MARK1: variants seen among roughly 807,000 people sequenced by gnomAD.
MARK1 encodes serine/threonine-protein kinase MARK1.
A neutral mutation model predicts 96.3 loss-of-function variants in MARK1; 40 were observed. The observed-to-expected ratio is 0.42, with a 90% CI of 0.32 to 0.54. The LOEUF is 0.54. Among genes scored for constraint, MARK1 ranks in the 20% least tolerant of loss-of-function variants. The probability of loss-of-function intolerance (pLI) is 0.16; values close to 1 mark genes in which losing one functional copy is unlikely to be tolerated. For synonymous variants in MARK1, 317 were observed against 341.2 expected (o/e 0.93, Z 0.78); for missense variants, 719 against 984.6 (o/e 0.73, Z 3.61).
chr1:220,584,552 C>T (rs1664465014), intron 3 of MARK1, among the ~76,000 whole-genome samples: 1 of 152,152 alleles, frequency 6.6e-6, no homozygotes, highest in Non-Finnish European at 1.5e-5. Context: ...AAATGGTGGC[C>T]TAAGCCATTA....
rs182815338 is a variant in MARK1 at position 220,646,632 on chromosome 1, C to T, written c.1471-3988C>T. Among the ~76,000 whole-genome samples, 535 of 152,268 alleles carry T rather than the reference C, an allele frequency of 3.5e-3. 6 individuals carry two copies. The highest frequency in any genetic ancestry group is 0.012 in the African/African-American group (506 of 41,542). On this transcript the variant is annotated intron_variant, in intron 13 of 17. Transcript: ENST00000366917. Reference sequence around the variant, plus strand: ...TAAGCAAAAACAAAGCCAGAGGCATCACGCTATCTGACATAAAACTGTACT... The same window carrying T: ...TAAGCAAAAACAAAGCCAGAGGCATTACGCTATCTGACATAAAACTGTACT...
intron 9 of MARK1, among the ~76,000 whole-genome samples, chr1:220,623,340 T>C (rs1667144913): frequency 6.6e-6 from 1 of 152,208 alleles, no homozygotes; most frequent in South Asian, 2.1e-4. Flanking sequence ...GTAGTCCATA[T>C]CTCTCTTCCC....
At chr1:220,603,388 C>CA (rs1303695438) in intron 5 of MARK1, among the ~76,000 whole-genome samples, 11 of 152,030 alleles carry the variant, frequency 7.2e-5, no homozygotes, top group African/African-American at 2.6e-4. Context: ...TTTATCTATC[C>CA]ACTTCGTGTT....
intron 1 of MARK1, among the ~76,000 whole-genome samples, chr1:220,562,961 A>T (rs1380682315): frequency 6.6e-6 from 1 of 152,238 alleles, no homozygotes; most frequent in East Asian, 1.9e-4. Context: ...ACAGATGTAG[A>T]GGGCCAACTG....
rs111550307 is a variant in MARK1 at position 220,658,506 on chromosome 1, T to G, written c.2033+672T>G. 2.1e-4 allele frequency among the ~76,000 whole-genome samples: 32 copies of G among 152,304 alleles called. 1 individual carries two copies. The highest frequency in any genetic ancestry group is 7.7e-4 in the African/African-American group (32 of 41,560). ...TTATGCTGCTGTTCTAGGGACCACA[T>G]TATGGACATGTTAGTACTTGTGTTC... is the stretch of plus-strand genomic sequence containing the variant. On this transcript the variant is annotated intron_variant, in intron 17 of 17. Transcript: ENST00000366917.
At chr1:220,628,852 C>T (rs6657303) in intron 9 of MARK1, among the ~76,000 whole-genome samples, 9,477 of 150,990 alleles carry the variant, frequency 0.063, 921 homozygotes, top group African/African-American at 0.22. Context: ...TTTGGGAAGC[C>T]GAGGCAAGCA....
In MARK1 at chr1:220,528,614, C is replaced by G; in HGVS notation, c.-209C>G. ...TTACTGTCCGCATACCCCGGCGGCGCCGCCGCGGGAAGCGGCTCCCCCTCC... is the reference window on the plus strand; with the variant it reads ...TTACTGTCCGCATACCCCGGCGGCGGCGCCGCGGGAAGCGGCTCCCCCTCC... On this transcript the variant is annotated 5_prime_UTR_variant, in exon 1 of 18. Transcript: ENST00000366917. 2.0e-6 allele frequency: 1 copy of G among 494,378 alleles called. No homozygotes were observed. The highest frequency in any genetic ancestry group is 3.6e-6 in the Non-Finnish European group (1 of 281,258). The allele number at this position is 494,378 out of a possible 1,614,324, so 30.6% of individuals were successfully genotyped here.
At chr1:220,570,997 T>C (rs1451511108) in intron 1 of MARK1, among the ~76,000 whole-genome samples, 1 of 152,210 alleles carries the variant, frequency 6.6e-6, no homozygotes, top group East Asian at 1.9e-4. Context: ...TTTATGTTTT[T>C]GTAAATAGGT....
intron 9 of MARK1, chr1:220,626,356 A>AC (rs1667333440): frequency 1.8e-6 from 1 of 550,224 alleles, no homozygotes. Context: ...CTTTTCAGGA[A>AC]CTAGGGATCT....
Position 220,551,372 on chromosome 1 carries a change from A to G in MARK1, c.51+22499A>G, listed in dbSNP as rs77025975. On this transcript the variant is annotated intron_variant, in intron 1 of 17. Coordinates refer to ENST00000366917, the MANE Select transcript of MARK1 (RefSeq NM_018650.5). ...TTGTGGCTGATGTTAGCCTAGGACC[A>G]TAGAGAGAAGGGAATTCTGGGAAAC... 8.6e-3 allele frequency among the ~76,000 whole-genome samples: 1,308 copies of G among 152,308 alleles called. 16 individuals carry two copies. Among genetic ancestry groups the G allele is most frequent in the African/African-American group, 0.029 (1,197 of 41,562 alleles).
intron 1 of MARK1, among the ~76,000 whole-genome samples, chr1:220,538,746 T>C (rs1660903650): frequency 6.6e-6 from 1 of 152,218 alleles, no homozygotes; most frequent in African/African-American, 2.4e-5. Flanking sequence ...TTTTATTTCC[T>C]TGAGCAGTGG....
Position 220,651,767 on chromosome 1 carries a change from A to C in MARK1, c.1572-219A>C, listed in dbSNP as rs542777655. The stretch of plus-strand genomic sequence containing the variant: ...ACATAGTGTGTGTGAGATTTTTTTC[A>C]TAGATGATAGTGATAAATTCACCCT... On this transcript the variant is annotated intron_variant, in intron 14 of 17. Transcript: ENST00000366917. Among the ~76,000 whole-genome samples the C allele has an allele frequency of 5.9e-5, 9 of 152,290 alleles. No individual in the cohort carries two copies. In the South Asian group the frequency reaches 1.9e-3, roughly 32 times the overall value.
chr1:220,543,239 G>A (rs1661265240), intron 1 of MARK1, among the ~76,000 whole-genome samples: 1 of 152,162 alleles, frequency 6.6e-6, no homozygotes, highest in Non-Finnish European at 1.5e-5. Context: ...TTGAAATTAA[G>A]TAGCAACATA....
At chr1:220,593,538 GA>G (rs200505800) in intron 3 of MARK1, among the ~76,000 whole-genome samples, 175 of 151,688 alleles carry the variant, frequency 1.2e-3, no homozygotes, top group African/African-American at 4.1e-3. Flanking sequence ...GCCACAGTAA[GA>G]AAAAAAATAG....
chr1:220,642,600 G>A (rs1668342469), intron 13 of MARK1, among the ~76,000 whole-genome samples: 1 of 152,228 alleles, frequency 6.6e-6, no homozygotes, highest in Non-Finnish European at 1.5e-5. Flanking sequence ...CCTGAGCACA[G>A]ATCACCAGCT....
rs1411161388 is a variant in MARK1, at chr1:220,662,815, A to C, written c.*649A>C. 2 of 152,642 alleles carry C rather than the reference A, an allele frequency of 1.3e-5. No homozygotes were observed. Among genetic ancestry groups the C allele is most frequent in the East Asian group, 3.8e-4 (2 of 5,198 alleles). 9.5% of individuals were successfully genotyped at this position (152,642 alleles called of 1,614,324 possible). On this transcript the variant is annotated 3_prime_UTR_variant, in exon 18 of 18. Coordinates refer to ENST00000366917, the MANE Select transcript of MARK1 (RefSeq NM_018650.5). ...TTGGCACTTAGAGTTTTTAAATTCA[A>C]GTACATGAAATTCAGTAATAGCATT...
At chr1:220,598,410 A>T (rs1357344415) in intron 4 of MARK1, 31 bp downstream of exon 4, 1 of 232,416 alleles carries the variant, frequency 4.3e-6, no homozygotes, top group Non-Finnish European at 8.7e-6. Flanking sequence ...ATATATATAT[A>T]TATATATAAT....
At chr1:220,639,643 A>G (rs1334469701) in intron 13 of MARK1, among the ~76,000 whole-genome samples, 1 of 152,098 alleles carries the variant, frequency 6.6e-6, no homozygotes, top group African/African-American at 2.4e-5. Context: ...CAGGCTCCTC[A>G]TGCTCCTCAG....
intron 3 of MARK1, among the ~76,000 whole-genome samples, chr1:220,586,013 G>A (rs199922482): frequency 5.8e-4 from 31 of 53,050 alleles, no homozygotes; most frequent in African/African-American, 1.6e-3. Flanking sequence ...ACACACACAC[G>A]CGCGCGTGCG....
Sources: gnomAD v4.1 joint callset for allele counts (sites outside exome capture counted in the v4.1 genomes callset) on GRCh38, gnomAD v4.1.1 for gene constraint, MANE v1.5 for transcripts, NCBI Gene and HGNC (gene_info 2026-07-23, HGNC 2026-07-21) for gene names.